ERO1A: variants seen among roughly 807,000 people sequenced by gnomAD.
ERO1A encodes ERO1-like protein alpha.
ERO1A carries 49 observed loss-of-function variants against 76.9 expected under a neutral mutation model. The observed-to-expected ratio is 0.64, with a 90% CI of 0.51 to 0.81. The LOEUF is 0.81. Ranked by LOEUF, ERO1A falls within the 30% of genes least tolerant of loss-of-function variation. The pLI, the probability that ERO1A is intolerant of heterozygous loss-of-function variation, is 0.00. For missense variants in ERO1A, 448 were observed against 542.1 expected, an observed-to-expected ratio of 0.83 and a Z score of 1.72; for synonymous variants, 174 against 181.2, an observed-to-expected ratio of 0.96 and a Z score of 0.32.
At chr14:52,648,115 T>G (rs1259290835) in intron 13 of ERO1A, among the ~76,000 whole-genome samples, 1 of 152,170 alleles carries the variant, frequency 6.6e-6, no homozygotes, top group African/African-American at 2.4e-5. Context: ...AAAGCCCAAA[T>G]TGTTCATTGT....
Position 52,663,657 on chromosome 14 carries a change from G to A in ERO1A, c.676+144C>T, listed in dbSNP as rs1404700961. The A allele has an allele frequency of 1.2e-5, 6 of 512,050 alleles. No individual in the cohort carries two copies. The Admixed American group carries it at 1.5e-4, about 13-fold the overall frequency. 31.7% of individuals were successfully genotyped at this position (512,050 alleles called of 1,614,324 possible). On this transcript the variant is annotated intron_variant, in intron 8 of 15. Coordinates refer to ENST00000395686, the MANE Select transcript of ERO1A (RefSeq NM_014584.3). ...ACAAATAATTTAAGCACCAATCTCT[G>A]CAAGCGTGAGGCATAACTCTATGGA...
intron 9 of ERO1A, among the ~76,000 whole-genome samples, chr14:52,659,152 A>G (rs1270755350): frequency 6.6e-6 from 1 of 152,182 alleles, no homozygotes; most frequent in African/African-American, 2.4e-5. Context: ...CTAAATATAT[A>G]AAAAGCTCAT....
chr14:52,673,621 C>A (rs555655242), intron 4 of ERO1A, among the ~76,000 whole-genome samples: 2 of 152,296 alleles, frequency 1.3e-5, no homozygotes, highest in Admixed American at 1.3e-4. Context: ...TAATAGACAG[C>A]AAAGTAAGTA....
chr14:52,695,387 G>A lies in ERO1A; in HGVS notation c.95C>T (p.Ala32Val), dbSNP rs1344163701. 6 of 1,511,226 alleles carry A rather than the reference G, an allele frequency of 4.0e-6. No individual in the cohort carries two copies. The highest frequency in any genetic ancestry group is 5.3e-6 in the Non-Finnish European group (6 of 1,125,312). 93.6% of individuals were successfully genotyped at this position (1,511,226 alleles called of 1,614,324 possible). ...HGEEQPPETAAQRCFCQVSGY... is the reference protein window; with the variant it reads ...HGEEQPPETAVQRCFCQVSGY... ...GCTCACCTGGCAGAAGCACCTCTGT[G>A]CCGCTGTCTCCGGGGGCTGCTCCTC... Residue 32 changes from alanine to valine, a missense_variant, in exon 1 of 16, where the codon GCA becomes GTA. Transcript: ENST00000395686.
intron 2 of ERO1A, among the ~76,000 whole-genome samples, chr14:52,682,639 C>G (rs2041036671): frequency 6.6e-6 from 1 of 152,194 alleles, no homozygotes; most frequent in African/African-American, 2.4e-5. Flanking sequence ...TGGCTTATGC[C>G]TGTAATCCCA....
At chr14:52,660,975 A>G (rs1183200285) in intron 9 of ERO1A, among the ~76,000 whole-genome samples, 2 of 152,196 alleles carry the variant, frequency 1.3e-5, no homozygotes, top group Non-Finnish European at 2.9e-5. Context: ...CCTAGAGTTC[A>G]ACCAGTAAAA....
At chr14:52,684,648 G>GA (rs2041121014) in intron 1 of ERO1A, among the ~76,000 whole-genome samples, 1 of 152,120 alleles carries the variant, frequency 6.6e-6, no homozygotes. Context: ...TAGTAACAAT[G>GA]AAACAGCAAA....
intron 9 of ERO1A, among the ~76,000 whole-genome samples, chr14:52,660,597 C>T (rs2040199792): frequency 6.6e-6 from 1 of 152,076 alleles, no homozygotes; most frequent in South Asian, 2.1e-4. Flanking sequence ...TGTTATCAGA[C>T]TTTAGTATTC....
intron 3 of ERO1A, among the ~76,000 whole-genome samples, chr14:52,679,808 T>G (rs1594832834): frequency 6.6e-6 from 1 of 152,246 alleles, no homozygotes; most frequent in Non-Finnish European, 1.5e-5. Flanking sequence ...CCCAGCACTT[T>G]GGGATGCCAA....
intron 11 of ERO1A, 140 bp from the exon 12 acceptor site, chr14:52,653,455 C>T: frequency 1.8e-6 from 1 of 563,626 alleles, no homozygotes; most frequent in East Asian, 3.2e-5. Context: ...AATGGTTTTT[C>T]ACAATTTAGC....
chr14:52,648,506 A>T (rs934980213), intron 13 of ERO1A, among the ~76,000 whole-genome samples: 2 of 152,202 alleles, frequency 1.3e-5, no homozygotes, highest in African/African-American at 2.4e-5. Flanking sequence ...ACATATATGC[A>T]CTATAAATTT....
At position 52,692,990 on chromosome 14, in the gene ERO1A, TTAAA is replaced by T. The variant is rs1157767188; in HGVS notation, c.114+2374_114+2377del. Among the ~76,000 whole-genome samples, 4 of 149,796 alleles carry T rather than the reference TTAAA, an allele frequency of 2.7e-5. No homozygotes were observed. In the East Asian group the frequency reaches 7.9e-4, roughly 30 times the overall value. On this transcript the variant is annotated intron_variant, in intron 1 of 15. Coordinates refer to ENST00000395686, the MANE Select transcript of ERO1A (RefSeq NM_014584.3). Reference sequence around the variant, plus strand: ...GAATTGGAATTGATAGTCTCTGTTCTTAAATAGACAACTTTTTTTTTTTTTTTTT... The same window carrying T: ...GAATTGGAATTGATAGTCTCTGTTCTTAGACAACTTTTTTTTTTTTTTTTT...
intron 3 of ERO1A, among the ~76,000 whole-genome samples, chr14:52,679,251 T>C (rs1277518817): frequency 6.6e-6 from 1 of 152,180 alleles, no homozygotes; most frequent in African/African-American, 2.4e-5. Flanking sequence ...ACATTTATGT[T>C]ACTTTACCAG....
rs1374310416 is a variant in ERO1A at position 52,641,325 on chromosome 14, G to C, written c.*2245C>G. On this transcript the variant is annotated 3_prime_UTR_variant, in exon 16 of 16. Transcript: ENST00000395686. Reference sequence around the variant, plus strand: ...TGGCAGCTAAAAAAAAAAGAGGCCGGGCGTGGTGGCTCACGCCTGTAATCC... The same window carrying C: ...TGGCAGCTAAAAAAAAAAGAGGCCGCGCGTGGTGGCTCACGCCTGTAATCC... 1 of 151,910 alleles carries C rather than the reference G, an allele frequency of 6.6e-6. No homozygotes were observed. Among genetic ancestry groups the C allele is most frequent in the Non-Finnish European group, 1.5e-5 (1 of 68,076 alleles). The allele number at this position is 151,910 out of a possible 1,614,324, so 9.4% of individuals were successfully genotyped here.
At chr14:52,669,146 C>T (rs1594828119) in intron 6 of ERO1A, among the ~76,000 whole-genome samples, 1 of 152,068 alleles carries the variant, frequency 6.6e-6, no homozygotes, top group African/African-American at 2.4e-5. Context: ...CATTTACATC[C>T]ATTATTTATT....
chr14:52,657,728 T>A (rs2040097580), intron 11 of ERO1A, among the ~76,000 whole-genome samples, 189 bp downstream of exon 11: 1 of 152,222 alleles, frequency 6.6e-6, no homozygotes, highest in African/African-American at 2.4e-5. Flanking sequence ...TGAAGAGAGC[T>A]AAGAGTATGT....
chr14:52,671,621 ATAT>A lies in ERO1A; in HGVS notation c.508+6_508+8del. The stretch of plus-strand genomic sequence containing the variant: ...TTAAACACAATGCATACTATCAAAA[ATAT>A]TATACCATCAGCTTCACAGAAGTTA... On this transcript the variant is annotated splice_donor_region_variant and intron_variant, in intron 6 of 15. Transcript: ENST00000395686. The A allele has an allele frequency of 6.3e-7, 1 of 1,589,880 alleles. No homozygotes were observed. Among genetic ancestry groups the A allele is most frequent in the Non-Finnish European group, 8.6e-7 (1 of 1,163,702 alleles).
Position 52,682,407 on chromosome 14 carries a change from A to G in ERO1A, c.236T>C (p.Val79Ala). Residue 79 changes from valine to alanine, a missense_variant and splice_region_variant, in exon 3 of 16, where the codon GTA (valine) becomes GCA (alanine). Physicochemically the swap from Val to Ala is moderately conservative, Grantham distance 64. Coordinates refer to ENST00000395686, the MANE Select transcript of ERO1A (RefSeq NM_014584.3). Reference protein sequence around the residue: ...LESDYFRYYKVNLKRPCPFWN... With the variant: ...LESDYFRYYKANLKRPCPFWN... ...GAAAGGACACGGCCTCTTCAGGTTT[A>G]CCTGTAAAATAATAATAGAAAAAAA... The G allele has an allele frequency of 6.3e-7, 1 of 1,597,688 alleles. No homozygotes were observed. Among genetic ancestry groups the G allele is most frequent in the Non-Finnish European group, 8.5e-7 (1 of 1,170,656 alleles).
At chr14:52,665,468 G>C (rs1243622229) in intron 7 of ERO1A, among the ~76,000 whole-genome samples, 1 of 150,984 alleles carries the variant, frequency 6.6e-6, no homozygotes, top group African/African-American at 2.4e-5. Context: ...AAACACCACA[G>C]TCTGACATTT....
Sources: allele counts gnomAD v4.1 joint callset (sites outside exome capture counted in the v4.1 genomes callset), GRCh38; gene constraint gnomAD v4.1.1; transcripts MANE v1.5; gene names NCBI Gene and HGNC (gene_info 2026-07-23, HGNC 2026-07-21).